KCNIP1: variants seen among roughly 807,000 people sequenced by gnomAD.
KCNIP1 encodes the protein potassium voltage-gated channel interacting protein 1.
KCNIP1 carries 18 observed loss-of-function variants against 33.0 expected under a neutral mutation model. The ratio of observed to expected loss-of-function variants is 0.55; its 90% CI spans 0.38 to 0.81. The LOEUF (loss-of-function observed/expected upper bound fraction) is 0.81. KCNIP1 is among the 30% of genes least tolerant of loss of function. KCNIP1 has a pLI of 0.00. For missense variants in KCNIP1, 238 were observed against 271.6 expected (o/e 0.88, Z 0.87); for synonymous variants, 93 against 98.3 (o/e 0.95, Z 0.32).
intron 1 of KCNIP1, among the ~76,000 whole-genome samples, chr5:170,618,314 T>C (rs1167111454): frequency 6.6e-6 from 1 of 151,500 alleles, no homozygotes; most frequent in African/African-American, 2.4e-5. Flanking sequence ...TCCCTAGGTC[T>C]AGTTGCAAAG....
At chr5:170,677,730 A>G (rs1039641436) in intron 1 of KCNIP1, among the ~76,000 whole-genome samples, 5 of 151,992 alleles carry the variant, frequency 3.3e-5, no homozygotes, top group African/African-American at 9.7e-5. Flanking sequence ...TAATCCCCCC[A>G]CAACCCCACA....
At chr5:170,632,553 C>A (rs1468417223) in intron 1 of KCNIP1, among the ~76,000 whole-genome samples, 1 of 152,246 alleles carries the variant, frequency 6.6e-6, no homozygotes, top group African/African-American at 2.4e-5. Flanking sequence ...CCTGGGCAAG[C>A]ACCACAACCT....
intron 1 of KCNIP1, among the ~76,000 whole-genome samples, chr5:170,584,415 A>G (rs928088413): frequency 6.6e-6 from 1 of 152,214 alleles, no homozygotes; most frequent in African/African-American, 2.4e-5. Context: ...ACAGTAAGAG[A>G]TAAGAACGGC....
intron 1 of KCNIP1, among the ~76,000 whole-genome samples, chr5:170,663,843 T>C (rs1184296716): frequency 6.6e-6 from 1 of 151,804 alleles, no homozygotes; most frequent in Non-Finnish European, 1.5e-5. Flanking sequence ...TCTGCACCGC[T>C]CCCAACTGGC....
At chr5:170,602,913 G>A (rs754498859) in intron 1 of KCNIP1, among the ~76,000 whole-genome samples, 13 of 152,150 alleles carry the variant, frequency 8.5e-5, no homozygotes, top group Non-Finnish European at 1.8e-4. Context: ...AAGGTTCGGC[G>A]CCGCATCACA....
chr5:170,712,550 C>T (rs968119378), intron 1 of KCNIP1, among the ~76,000 whole-genome samples: 2 of 152,254 alleles, frequency 1.3e-5, no homozygotes, highest in Admixed American at 1.3e-4. Context: ...ACCCATCCAA[C>T]ATTGCACATC....
At chr5:170,535,820 A>G (rs1755963047) in intron 1 of KCNIP1, among the ~76,000 whole-genome samples, 1 of 152,176 alleles carries the variant, frequency 6.6e-6, no homozygotes, top group Non-Finnish European at 1.5e-5. Flanking sequence ...TCATCTCCAG[A>G]CCAGATAAAT....
At chr5:170,540,326 C>T (rs1756150900) in intron 1 of KCNIP1, among the ~76,000 whole-genome samples, 1 of 152,198 alleles carries the variant, frequency 6.6e-6, no homozygotes, top group Admixed American at 6.5e-5. Flanking sequence ...TCACTCCACC[C>T]TGCAAAAGTC....
At position 170,389,963 on chromosome 5, in the gene KCNIP1, G is replaced by A. The variant is rs565294616; in HGVS notation, c.88+35999G>A. Among the ~76,000 whole-genome samples, 151 of 152,282 alleles carry A rather than the reference G, an allele frequency of 9.9e-4. 3 individuals are homozygous for A. Among genetic ancestry groups the A allele is most frequent in the Non-Finnish European group, 2.9e-4 (20 of 68,024 alleles). On this transcript the variant is annotated intron_variant, in intron 1 of 7. Coordinates refer to the KCNIP1 transcript ENST00000377360. ...AGTGATGGGAGTTAGAGACGGTGGG[G>A]ATTTATGGCAAGGGGAGAGAACTGA... is the stretch of plus-strand genomic sequence containing the variant.
chr5:170,658,885 G>T (rs568421284), intron 1 of KCNIP1, among the ~76,000 whole-genome samples: 12 of 152,320 alleles, frequency 7.9e-5, no homozygotes, highest in Non-Finnish European at 1.5e-4. Context: ...ACCATTCTCA[G>T]GTTCCTGTTG....
At chr5:170,443,678 C>T (rs1425950436) in intron 1 of KCNIP1, among the ~76,000 whole-genome samples, 3 of 152,250 alleles carry the variant, frequency 2.0e-5, no homozygotes, top group Non-Finnish European at 2.9e-5. Context: ...TGAAACATGT[C>T]TAGACTGACA....
At chr5:170,473,569 C>G (rs1188986168) in intron 1 of KCNIP1, among the ~76,000 whole-genome samples, 1 of 152,070 alleles carries the variant, frequency 6.6e-6, no homozygotes, top group Non-Finnish European at 1.5e-5. Flanking sequence ...AACCTCACAC[C>G]GAAGTCTAAG....
intron 1 of KCNIP1, among the ~76,000 whole-genome samples, chr5:170,544,188 G>A (rs1043297190): frequency 3.3e-5 from 5 of 152,014 alleles, no homozygotes; most frequent in African/African-American, 1.2e-4. Flanking sequence ...CGAGGCCAGC[G>A]AATCACCTGA....
chr5:170,713,095 C>T (rs576187724), intron 1 of KCNIP1, among the ~76,000 whole-genome samples: 55 of 152,308 alleles, frequency 3.6e-4, no homozygotes, highest in African/African-American at 1.2e-3. Flanking sequence ...GAAATGGTTA[C>T]GTTTTCCTTT....
At chr5:170,696,965 G>A (rs1318471630) in intron 1 of KCNIP1, among the ~76,000 whole-genome samples, 4 of 152,014 alleles carry the variant, frequency 2.6e-5, no homozygotes, top group Non-Finnish European at 1.5e-5. Flanking sequence ...TTCTGCACAG[G>A]AGGCTCCTAA....
intron 1 of KCNIP1, chr5:170,389,435 C>A (rs1352768923): frequency 6.6e-6 from 1 of 151,882 alleles, no homozygotes; most frequent in African/African-American, 2.4e-5. Flanking sequence ...CAAACATGGT[C>A]AAGTCTGAGC....
rs190596790 is a variant in KCNIP1 at position 170,629,255 on chromosome 5, C to T, written c.62-89503C>T. Among the ~76,000 whole-genome samples the T allele has an allele frequency of 4.7e-4, 71 of 152,272 alleles. 1 individual carries two copies. The highest frequency in any genetic ancestry group is 2.0e-3 in the Admixed American group (30 of 15,302). On this transcript the variant is annotated intron_variant, in intron 1 of 7. Coordinates refer to ENST00000328939, the MANE Select transcript of KCNIP1 (RefSeq NM_014592.4). ...GGGTGCAGGTAGGGCCTGAGGATTC[C>T]GACAAGGTGAGCCATGGGCAGGGGC... is the stretch of plus-strand genomic sequence containing the variant.
In KCNIP1 at chr5:170,718,772, G is replaced by A; in HGVS notation, c.76G>A (p.Glu26Lys). 1 of 1,613,454 alleles carries A rather than the reference G, an allele frequency of 6.2e-7. No homozygotes were observed. The highest frequency in any genetic ancestry group is 8.5e-7 in the Non-Finnish European group (1 of 1,179,782). Reference protein sequence around the residue: ...RRPSKDKIEDELEMTMVCHRP... With the variant: ...RRPSKDKIEDKLEMTMVCHRP... Reference sequence around the variant, plus strand: ...TCTGGTTCCAGATAAGATTGAAGATGAGCTGGAGATGACCATGGTTTGCCA... The same window carrying A: ...TCTGGTTCCAGATAAGATTGAAGATAAGCTGGAGATGACCATGGTTTGCCA... The change falls in exon 2 of 8, where the codon GAG (glutamate) becomes AAG (lysine). Residue 26 changes from glutamate to lysine, a missense_variant. Physicochemically the swap from Glu to Lys is moderately conservative, Grantham distance 56 (BLOSUM62 1). Coordinates refer to ENST00000328939, the MANE Select transcript of KCNIP1 (RefSeq NM_014592.4).
intron 1 of KCNIP1, among the ~76,000 whole-genome samples, chr5:170,648,180 A>T (rs1443284506): frequency 6.6e-6 from 1 of 152,234 alleles, no homozygotes; most frequent in Non-Finnish European, 1.5e-5. Context: ...GCTTCGTGGG[A>T]CTGTGCAAAA....
Sources: allele counts gnomAD v4.1 joint callset (sites outside exome capture counted in the v4.1 genomes callset), GRCh38; gene constraint gnomAD v4.1.1; transcripts MANE v1.5; gene names NCBI Gene and HGNC (gene_info 2026-07-23, HGNC 2026-07-21).